The following ITPA variants were observed in gnomAD, a reference collection of about 807,000 sequenced individuals.
The protein encoded by ITPA is inosine triphosphate pyrophosphatase.
Under a neutral mutation model 29.6 loss-of-function variants are expected in ITPA, and 29 were observed. That is an observed-to-expected ratio of 0.98 (90% CI 0.73 to 1.34). ITPA has a LOEUF of 1.34. Ranked by LOEUF, ITPA falls within the 40% of genes most tolerant of loss-of-function variation. The probability of loss-of-function intolerance (pLI) is 0.00; values close to 1 mark genes in which losing one functional copy is unlikely to be tolerated. For missense variants in ITPA, 241 were observed against 251.5 expected (o/e 0.96, Z 0.28); for synonymous variants, 103 against 99.3 (o/e 1.04, Z -0.22).
chr20:3,219,741 G>A (rs1262956157), intron 6 of ITPA, among the ~76,000 whole-genome samples: 3 of 109,704 alleles, frequency 2.7e-5, no homozygotes, highest in East Asian at 3.0e-4. Context: ...GTGAGACTCC[G>A]TCTCCAAAAA....
At chr20:3,204,545 G>A, upstream of ITPA, 1 of 1,562,918 alleles carries the variant, frequency 6.4e-7, no homozygotes, top group Non-Finnish European at 8.6e-7. Context: ...ACCTGATGCC[G>A]CCCGGCCCCG....
chr20:3,216,837 G>A (rs1308669802), intron 5 of ITPA, among the ~76,000 whole-genome samples: 5 of 151,582 alleles, frequency 3.3e-5, no homozygotes, highest in Admixed American at 6.6e-5. Flanking sequence ...GTCCCACCTC[G>A]GCCTCCCAAA....
upstream of ITPA, among the ~76,000 whole-genome samples, chr20:3,206,785 C>G (rs190329366): frequency 3.5e-3 from 532 of 150,482 alleles, 2 homozygotes; most frequent in African/African-American, 0.013. Context: ...GAGCTGAGAT[C>G]GCGCCACTGC....
At chr20:3,215,587 A>G (rs2067274817) in intron 5 of ITPA, among the ~76,000 whole-genome samples, 1 of 152,212 alleles carries the variant, frequency 6.6e-6, no homozygotes, top group Admixed American at 6.5e-5. Flanking sequence ...TGACTGCCTT[A>G]GCCAGGGCCT....
In ITPA at chr20:3,223,603, G is replaced by A; in HGVS notation, c.*141G>A. 1 of 688,810 alleles carries A rather than the reference G, an allele frequency of 1.5e-6. No individual in the cohort carries two copies. Among genetic ancestry groups the A allele is most frequent in the Admixed American group, 2.1e-5 (1 of 48,276 alleles). The allele number at this position is 688,810 out of a possible 1,614,324, so 42.7% of individuals were successfully genotyped here. ...GGGTGTCGAGTAGCCTCACCGGCCT[G>A]TCTGGAGGAGCAGCTGGCTCTGCTC... On this transcript the variant is annotated 3_prime_UTR_variant, in exon 8 of 8. Coordinates refer to ENST00000380113, the MANE Select transcript of ITPA (RefSeq NM_033453.4).
chr20:3,207,811 A>G (rs2067089177), upstream of ITPA, among the ~76,000 whole-genome samples: 1 of 151,924 alleles, frequency 6.6e-6, no homozygotes, highest in African/African-American at 2.4e-5. Context: ...CCTGGCCAAC[A>G]TGGTGAAACC....
At chr20:3,213,843 C>T (rs979894415) in intron 3 of ITPA, 142 bp from the exon 4 acceptor site, 19 of 851,008 alleles carry the variant, frequency 2.2e-5, no homozygotes, top group African/African-American at 1.7e-4. Flanking sequence ...AGAGATTGGC[C>T]GAGGGCAGCT....
intron 4 of ITPA, among the ~76,000 whole-genome samples, chr20:3,214,822 G>T (rs530303930): frequency 1.4e-3 from 206 of 152,128 alleles, no homozygotes; most frequent in Non-Finnish European, 2.3e-3. Flanking sequence ...CTCGTGATCT[G>T]CCCTTCTTGG....
intron 5 of ITPA, among the ~76,000 whole-genome samples, chr20:3,217,854 G>A (rs1165949745): frequency 6.6e-6 from 1 of 151,604 alleles, no homozygotes; most frequent in Non-Finnish European, 1.5e-5. Context: ...TCATTTTTTG[G>A]ATTTCCTTGG....
Position 3,223,758 on chromosome 20 carries a change from G to A in ITPA, c.*296G>A. On this transcript the variant is annotated 3_prime_UTR_variant, in exon 8 of 8. Transcript: ENST00000380113. Reference sequence around the variant, plus strand: ...CTGTACTTGGTGGGAGTGAGGGCGTGGGGAGGAACCATGCAAATCGCCTTC... The same window carrying A: ...CTGTACTTGGTGGGAGTGAGGGCGTAGGGAGGAACCATGCAAATCGCCTTC... The A allele has an allele frequency of 2.0e-6, 1 of 497,470 alleles. No homozygotes were observed. The highest frequency in any genetic ancestry group is 2.3e-5 in the South Asian group (1 of 42,988). 30.8% of individuals were successfully genotyped at this position (497,470 alleles called of 1,614,324 possible). A position where few individuals can be genotyped will look rare whatever the true frequency, so the allele number is the denominator to read the frequency against.
chr20:3,214,098 C>T (rs1296005104), intron 4 of ITPA, 40 bp downstream of exon 4: 1 of 1,572,408 alleles, frequency 6.4e-7, no homozygotes, highest in East Asian at 2.2e-5. Context: ...GCGTCAGGCC[C>T]AAAACCACCA....
In ITPA at chr20:3,219,989, C is replaced by G. The variant is rs921853708; in HGVS notation, c.411+1357C>G. On this transcript the variant is annotated intron_variant, in intron 6 of 7. Transcript: ENST00000380113. ...CCTCGGAGTTTGACGGGACAGTGAG[C>G]TATGATCGCACTCCTGCACTCCAGC... 2.1e-5 allele frequency among the ~76,000 whole-genome samples: 3 copies of G among 142,000 alleles called. No individual in the cohort carries two copies. In the East Asian group the frequency reaches 6.6e-4, roughly 31 times the overall value. The allele number at this position is 142,000 out of a possible 152,430, so 93.2% of individuals were successfully genotyped here. A position where few individuals can be genotyped will look rare whatever the true frequency, so the allele number is the denominator to read the frequency against.
Position 3,223,543 on chromosome 20 carries a change from C to G in ITPA, c.*81C>G. 5 of 1,046,182 alleles carry G rather than the reference C, an allele frequency of 4.8e-6. No homozygotes were observed. Among genetic ancestry groups the G allele is most frequent in the Middle Eastern group, 2.8e-4 (1 of 3,600 alleles). 64.8% of individuals were successfully genotyped at this position (1,046,182 alleles called of 1,614,324 possible). A position where few individuals can be genotyped will look rare whatever the true frequency, so the allele number is the denominator to read the frequency against. ...AACCTCCCGCATCGGGCAGGCACCC[C>G]CTGAAGTACTTCCTTCAGGGTTTCC... On this transcript the variant is annotated 3_prime_UTR_variant, in exon 8 of 8. Coordinates refer to ENST00000380113, the MANE Select transcript of ITPA (RefSeq NM_033453.4).
upstream of ITPA, chr20:3,204,619 C>A (rs760307305): frequency 3.2e-6 from 5 of 1,587,182 alleles, no homozygotes; most frequent in Non-Finnish European, 3.4e-6. Flanking sequence ...ACCACACAGG[C>A]GCCACCATGA....
chr20:3,208,010 A>G (rs909242107), upstream of ITPA, among the ~76,000 whole-genome samples: 1 of 151,516 alleles, frequency 6.6e-6, no homozygotes, highest in African/African-American at 2.4e-5. Flanking sequence ...AAAAAAAAAA[A>G]AAAGAAAAAG....
intron 1 of ITPA, among the ~76,000 whole-genome samples, chr20:3,211,718 C>A (rs1187558403): frequency 1.3e-5 from 2 of 152,162 alleles, no homozygotes; most frequent in Non-Finnish European, 2.9e-5. Flanking sequence ...GTCTCGAACT[C>A]CCGACCTCAG....
At chr20:3,210,979 A>C (rs1002771300) in intron 1 of ITPA, among the ~76,000 whole-genome samples, 3 of 150,728 alleles carry the variant, frequency 2.0e-5, no homozygotes, top group African/African-American at 7.3e-5. Context: ...TGAACCTAGG[A>C]AGCGGAGGTT....
chr20:3,220,551 A>T (rs1051862943), intron 6 of ITPA, among the ~76,000 whole-genome samples: 8 of 148,746 alleles, frequency 5.4e-5, no homozygotes, highest in African/African-American at 1.8e-4. Context: ...TTTAAAGAGT[A>T]AAAAAAAATG....
At chr20:3,207,233 G>A (rs1202966112), upstream of ITPA, among the ~76,000 whole-genome samples, 1 of 152,106 alleles carries the variant, frequency 6.6e-6, no homozygotes, top group Non-Finnish European at 1.5e-5. Context: ...GTGACTACAG[G>A]TGTGTGCCCC....
Sources: gnomAD v4.1 joint callset for allele counts (sites outside exome capture counted in the v4.1 genomes callset) on GRCh38, gnomAD v4.1.1 for gene constraint, MANE v1.5 for transcripts, NCBI Gene and HGNC (gene_info 2026-07-23, HGNC 2026-07-21) for gene names.